The following SDK1 variants were observed in gnomAD, a reference collection of about 807,000 sequenced individuals.
SDK1 encodes the protein protein sidekick-1.
In SDK1, 157 loss-of-function variants were observed where a neutral mutation model predicts 245.5. That is an observed-to-expected ratio of 0.64 (90% CI 0.56 to 0.73). The LOEUF is 0.73. SDK1 is among the 30% of genes least tolerant of loss of function. The pLI is 0.00. For synonymous variants in SDK1, 1,647 were observed against 1,278.5 expected (o/e 1.29, Z -6.15); for missense variants, 3,583 against 3,002.3 (o/e 1.19, Z -4.52).
chr7:3,500,050 A>T (rs894578013), intron 1 of SDK1, among the ~76,000 whole-genome samples: 1 of 152,178 alleles, frequency 6.6e-6, no homozygotes, highest in Non-Finnish European at 1.5e-5. Flanking sequence ...GGTCAGGCTC[A>T]CTGGGGTGTC....
intron 1 of SDK1, among the ~76,000 whole-genome samples, chr7:3,379,197 G>T (rs1248653915): frequency 6.6e-6 from 1 of 152,182 alleles, no homozygotes; most frequent in Non-Finnish European, 1.5e-5. Flanking sequence ...GCGGGGCAAT[G>T]TGCTGGGCAT....
chr7:3,903,362 C>G (rs1225748026), intron 5 of SDK1, among the ~76,000 whole-genome samples: 2 of 152,042 alleles, frequency 1.3e-5, no homozygotes, highest in Non-Finnish European at 2.9e-5. Flanking sequence ...CCAGGATGGT[C>G]TCGATCATCT....
chr7:3,904,206 A>T (rs1781887657), intron 5 of SDK1, among the ~76,000 whole-genome samples: 1 of 152,216 alleles, frequency 6.6e-6, no homozygotes, highest in South Asian at 2.1e-4. Context: ...ATACTGCATG[A>T]ATCAGTTTAT....
intron 1 of SDK1, among the ~76,000 whole-genome samples, chr7:3,576,699 G>A (rs1780302755): frequency 6.6e-6 from 1 of 152,026 alleles, no homozygotes; most frequent in East Asian, 1.9e-4. Context: ...GTATGTGGCT[G>A]CATTTTGCCT....
chr7:3,971,548 T>C lies in SDK1; in HGVS notation c.1797T>C (p.His599=), dbSNP rs765913144. 10 of 1,612,724 alleles carry C rather than the reference T, an allele frequency of 6.2e-6. No homozygotes were observed. In the African/African-American group the frequency reaches 1.1e-4, roughly 17 times the overall value. The change falls in exon 12 of 45, where the codon CAT becomes CAC. Residue 599 remains histidine, a synonymous_variant. Coordinates refer to ENST00000404826, the MANE Select transcript of SDK1 (RefSeq NM_152744.4). Reference sequence around the variant, plus strand: ...CCACGCTGCACTGTGGTGCCACACATGACCCCCGGGTTTCACTCCGGTCAG... The same window carrying C: ...CCACGCTGCACTGTGGTGCCACACACGACCCCCGGGTTTCACTCCGGTCAG... ...TTATLHCGAT[H]DPRVSLRYVW...
At chr7:3,822,623 G>C (rs1401175384) in intron 5 of SDK1, among the ~76,000 whole-genome samples, 2 of 151,898 alleles carry the variant, frequency 1.3e-5, no homozygotes, top group Admixed American at 6.6e-5. Context: ...TGCAAAATTA[G>C]CAGGCATGGT....
chr7:4,074,784 G>C (rs1780518572), intron 20 of SDK1, among the ~76,000 whole-genome samples: 1 of 148,980 alleles, frequency 6.7e-6, no homozygotes, highest in Admixed American at 6.7e-5. Context: ...AATCGCTTGG[G>C]TTGAGTGGTT....
intron 1 of SDK1, among the ~76,000 whole-genome samples, chr7:3,460,410 G>T (rs1468877335): frequency 1.3e-5 from 2 of 152,174 alleles, no homozygotes; most frequent in Non-Finnish European, 2.9e-5. Context: ...TTATGCTATT[G>T]AAAATATGAA....
intron 1 of SDK1, among the ~76,000 whole-genome samples, chr7:3,549,987 T>C (rs1260477886): frequency 6.6e-6 from 1 of 152,140 alleles, no homozygotes; most frequent in East Asian, 1.9e-4. Flanking sequence ...CTTAAAAATA[T>C]ATTTTAAGTC....
chr7:3,418,029 A>G (rs1779423159), intron 1 of SDK1, among the ~76,000 whole-genome samples: 1 of 151,686 alleles, frequency 6.6e-6, no homozygotes, highest in African/African-American at 2.4e-5. Flanking sequence ...CTAACTCAGT[A>G]GACACTGTCA....
rs554520320 is a variant in SDK1, at chr7:3,685,726, G to A, written c.713+43621G>A. 5.3e-5 allele frequency among the ~76,000 whole-genome samples: 8 copies of A among 152,190 alleles called. No homozygotes were observed. In the East Asian group the frequency reaches 1.2e-3, roughly 22 times the overall value. ...TTCTACACTTCAAAGTATCATATAT[G>A]TACATTGTGATACCCATATAACCAC... On this transcript the variant is annotated intron_variant, in intron 4 of 44. Coordinates refer to ENST00000404826, the MANE Select transcript of SDK1 (RefSeq NM_152744.4).
At chr7:4,080,557 T>G (rs1263175264) in intron 22 of SDK1, among the ~76,000 whole-genome samples, 1 of 152,210 alleles carries the variant, frequency 6.6e-6, no homozygotes, top group Admixed American at 6.5e-5. Context: ...AAAGTTTCAT[T>G]AAGCAAACAT....
chr7:3,501,692 G>C (rs956462553), intron 1 of SDK1, among the ~76,000 whole-genome samples: 1 of 152,062 alleles, frequency 6.6e-6, no homozygotes, highest in African/African-American at 2.4e-5. Context: ...TCATTAATTT[G>C]TTCTAGTTAC....
intron 20 of SDK1, among the ~76,000 whole-genome samples, chr7:4,069,241 G>T (rs1780090161): frequency 6.6e-6 from 1 of 152,238 alleles, no homozygotes; most frequent in African/African-American, 2.4e-5. Flanking sequence ...CGAGTTGAGA[G>T]AAGTTGTATC....
intron 1 of SDK1, among the ~76,000 whole-genome samples, chr7:3,486,266 T>G (rs192573666): frequency 1.1e-5 from 1 of 92,786 alleles, no homozygotes; most frequent in Non-Finnish European, 2.6e-5. Context: ...TGAGGTTGTT[T>G]TCTTTTCCAT....
intron 40 of SDK1, among the ~76,000 whole-genome samples, chr7:4,226,301 C>T (rs1020914238): frequency 6.6e-6 from 1 of 152,202 alleles, no homozygotes; most frequent in Non-Finnish European, 1.5e-5. Flanking sequence ...GCCCCTCTGG[C>T]CCACGTGGTC....
intron 1 of SDK1, among the ~76,000 whole-genome samples, chr7:3,510,644 G>T (rs563793954): frequency 1.3e-5 from 2 of 152,244 alleles, no homozygotes; most frequent in Admixed American, 1.3e-4. Context: ...TAATGGGAGG[G>T]AAGAAGGGGG....
At chr7:3,495,213 G>A (rs543368800) in intron 1 of SDK1, among the ~76,000 whole-genome samples, 1 of 151,138 alleles carries the variant, frequency 6.6e-6, no homozygotes, top group Non-Finnish European at 1.5e-5. Context: ...TCATTTCAGC[G>A]AGGCCCCTTT....
In SDK1 at chr7:4,266,285, G is replaced by A; in HGVS notation, c.*901G>A. 1.0e-6 allele frequency: 1 copy of A among 985,388 alleles called. No homozygotes were observed. The allele number at this position is 985,388 out of a possible 1,614,324, so 61.0% of individuals were successfully genotyped here. ...ATCTTTTTATCTTTTTTTAAACTAT[G>A]TCACATGAAATGAATGCGTCTTTGC... On this transcript the variant is annotated 3_prime_UTR_variant, in exon 45 of 45. Transcript: ENST00000404826.
Sources: gnomAD v4.1 joint callset for allele counts (sites outside exome capture counted in the v4.1 genomes callset) on GRCh38, gnomAD v4.1.1 for gene constraint, MANE v1.5 for transcripts, NCBI Gene and HGNC (gene_info 2026-07-23, HGNC 2026-07-21) for gene names.